LRTM3: variants seen among roughly 807,000 people sequenced by gnomAD.
LRTM3 encodes the protein leucine rich repeat transmembrane protein 3.
At chr13:102,732,909 G>T in the LRTM3 span, 1 of 1,551,414 alleles carries the variant, frequency 6.4e-7, no homozygotes, top group Non-Finnish European at 8.7e-7. Flanking sequence ...TCCCCTGATT[G>T]AAATTGAAAA....
the LRTM3 span, chr13:102,733,161 T>A: frequency 2.0e-5 from 31 of 1,551,374 alleles, no homozygotes; most frequent in Non-Finnish European, 2.4e-5. Context: ...TTCGTCCTGG[T>A]CTTGTGCCCA....
chr13:102,749,769 G>C, the LRTM3 span: 1 of 1,551,314 alleles, frequency 6.4e-7, no homozygotes. Flanking sequence ...ACTTCATAAA[G>C]ACCTTGATTC....
the LRTM3 span, chr13:102,740,997 C>T: frequency 1.3e-6 from 2 of 1,550,232 alleles, no homozygotes; most frequent in Non-Finnish European, 1.7e-6. Flanking sequence ...GGAATACCTA[C>T]TTCATGTGAT....
the LRTM3 span, chr13:102,758,841 C>T: frequency 6.5e-7 from 1 of 1,549,866 alleles, no homozygotes; most frequent in Non-Finnish European, 8.7e-7. Context: ...TTGAATAATC[C>T]AGGACTCTAG....
At chr13:102,748,308 T>A in the LRTM3 span, 1 of 1,551,216 alleles carries the variant, frequency 6.4e-7, no homozygotes, top group South Asian at 1.2e-5. Flanking sequence ...TCCTTCAGAT[T>A]TACACTTTCT....
At chr13:102,739,853 CTA>C in the LRTM3 span, 1 of 1,550,080 alleles carries the variant, frequency 6.5e-7, no homozygotes, top group South Asian at 1.2e-5. Flanking sequence ...TTCACTCATT[CTA>C]TGTTTCACAT....
the LRTM3 span, among the ~76,000 whole-genome samples, chr13:102,751,365 ACAC>A: frequency 6.6e-6 from 1 of 151,534 alleles, no homozygotes; most frequent in Admixed American, 6.6e-5. Flanking sequence ...ACACACACAC[ACAC>A]ACACACACAC....
the LRTM3 span, chr13:102,738,723 C>T: frequency 1.3e-6 from 2 of 1,550,654 alleles, no homozygotes; most frequent in Non-Finnish European, 1.7e-6. Flanking sequence ...ATTCTCATGG[C>T]TTCCTCTCCT....
chr13:102,742,583 T>C, the LRTM3 span: 5 of 1,550,590 alleles, frequency 3.2e-6, no homozygotes, highest in Non-Finnish European at 2.6e-6. Context: ...ATCTATTAAA[T>C]CAACTTCTGC....
the LRTM3 span, chr13:102,749,303 A>T: frequency 1.3e-6 from 2 of 1,551,230 alleles, no homozygotes; most frequent in Non-Finnish European, 1.7e-6. Context: ...CAAAAGAGGC[A>T]CTGAGCTATA....
At chr13:102,739,763 C>G in the LRTM3 span, 827 of 1,549,014 alleles carry the variant, frequency 5.3e-4, 11 homozygotes, top group South Asian at 6.8e-3. Context: ...TGAGATCACC[C>G]CATCAATTGT....
chr13:102,730,554 G>A, the LRTM3 span: 1 of 1,551,828 alleles, frequency 6.4e-7, no homozygotes, highest in Non-Finnish European at 8.7e-7. Flanking sequence ...GAAAGAACTT[G>A]AGTATCTTTC....
the LRTM3 span, chr13:102,733,848 C>A: frequency 6.4e-7 from 1 of 1,551,392 alleles, no homozygotes. Flanking sequence ...GGGCGGGGCA[C>A]ATACTGTTCT....
At chr13:102,746,160 G>C in the LRTM3 span, 5 of 1,551,124 alleles carry the variant, frequency 3.2e-6, no homozygotes, top group East Asian at 1.2e-4. Context: ...TGCTGCAAAC[G>C]TTGTCCATTA....
At chr13:102,739,000 C>A in the LRTM3 span, 4 of 1,550,146 alleles carry the variant, frequency 2.6e-6, no homozygotes, top group African/African-American at 5.5e-5. Context: ...CAATTGGCTG[C>A]TCACATTTTT....
the LRTM3 span, chr13:102,737,672 T>G: frequency 6.4e-7 from 1 of 1,550,784 alleles, no homozygotes; most frequent in South Asian, 1.2e-5. Flanking sequence ...TATTTTTACT[T>G]CATCCTCTTC....
chr13:102,755,931 G>GTGTGTA, the LRTM3 span, among the ~76,000 whole-genome samples: 1 of 115,524 alleles, frequency 8.7e-6, no homozygotes, highest in African/African-American at 3.6e-5. Flanking sequence ...GTGTGTGTGT[G>GTGTGTA]TATATATATA....
At chr13:102,751,990 G>A in the LRTM3 span, among the ~76,000 whole-genome samples, 1 of 152,086 alleles carries the variant, frequency 6.6e-6, no homozygotes, top group South Asian at 2.1e-4. Context: ...AAACAGAACA[G>A]CCCTTTGGAA....
chr13:102,755,925 G>A, the LRTM3 span, among the ~76,000 whole-genome samples: 414 of 59,220 alleles, frequency 7.0e-3, 1 homozygote, highest in Non-Finnish European at 0.012. Context: ...GTGTGTGTGT[G>A]TGTGTGTATA....
Sources: allele counts gnomAD v4.1 joint callset (sites outside exome capture counted in the v4.1 genomes callset), GRCh38; gene constraint gnomAD v4.1.1; transcripts MANE v1.5; gene names NCBI Gene and HGNC (gene_info 2026-07-23, HGNC 2026-07-21).